KRT3: variants seen among roughly 807,000 people sequenced by gnomAD.
KRT3 encodes the protein keratin 3, also known as keratin, type II cytoskeletal 3.
KRT3 carries 34 observed loss-of-function variants against 45.8 expected under a neutral mutation model. The observed-to-expected ratio is 0.74, with a 90% CI of 0.57 to 0.99. The LOEUF is 0.99. KRT3 is among the 50% of genes least tolerant of loss of function. The pLI is 0.00. For missense variants in KRT3, 828 were observed against 820.6 expected (o/e 1.01, Z -0.11); for synonymous variants, 367 against 329.0 (o/e 1.12, Z -1.25).
In KRT3 at chr12:52,791,348, G is replaced by A; in HGVS notation, c.1393C>T (p.Gln465Ter). 6.2e-7 allele frequency: 1 copy of A among 1,614,250 alleles called. No individual in the cohort carries two copies. Among genetic ancestry groups the A allele is most frequent in the Non-Finnish European group, 8.5e-7 (1 of 1,180,036 alleles). The stretch of plus-strand genomic sequence containing the variant: ...TGCTGTAGAGCAGCCTGCAGCTCTT[G>A]GAGCTTGGCATTGGCATCCTTGAGG... Reference protein sequence around the residue: ...MALKDANAKLQELQAALQQAK... With the variant: ...MALKDANAKL The change falls in exon 7 of 9, where the codon CAA becomes TAA. Residue 465 changes from glutamine (Q) to a stop codon, truncating the protein, a stop_gained. Transcript: ENST00000417996. LOFTEE classifies it high-confidence loss of function.
intron 8 of KRT3, 148 bp downstream of exon 8, chr12:52,790,690 A>C: frequency 1.2e-6 from 1 of 813,498 alleles, no homozygotes; most frequent in Admixed American, 2.0e-5. Flanking sequence ...AACCCAGAAC[A>C]ATTACAAAAG....
In KRT3 at chr12:52,792,883, G is replaced by A. The variant is rs186188050; in HGVS notation, c.928-77C>T. The A allele has an allele frequency of 1.6e-4, 155 of 957,698 alleles. No homozygotes were observed. In the Admixed American group the frequency reaches 2.7e-3, roughly 17 times the overall value. The allele number at this position is 957,698 out of a possible 1,614,324, so 59.3% of individuals were successfully genotyped here. Reference sequence around the variant, plus strand: ...ACCACAACTGCAGCAAGAAAGAGCAGAGGGGACTGGTGCAGTGATGGTCCT... The same window carrying A: ...ACCACAACTGCAGCAAGAAAGAGCAAAGGGGACTGGTGCAGTGATGGTCCT... On this transcript the variant is annotated intron_variant, in intron 3 of 8. Coordinates refer to ENST00000417996, the MANE Select transcript of KRT3 (RefSeq NM_057088.3).
At chr12:52,792,175 G>T in intron 5 of KRT3, 64 bp downstream of exon 5, 1 of 1,423,150 alleles carries the variant, frequency 7.0e-7, no homozygotes, top group Non-Finnish European at 9.8e-7. Context: ...CTACCCAGCT[G>T]TCCAATAGGC....
intron 3 of KRT3, 149 bp from the exon 4 acceptor site, chr12:52,792,955 G>A: frequency 1.4e-6 from 1 of 708,464 alleles, no homozygotes; most frequent in South Asian, 1.7e-5. Flanking sequence ...TATCTCATTA[G>A]GATGGTCTAA....
chr12:52,792,404 C>A lies in KRT3; in HGVS notation c.1024-1G>T. The A allele has an allele frequency of 1.2e-6, 2 of 1,613,794 alleles. No individual in the cohort carries two copies. Among genetic ancestry groups the A allele is most frequent in the Non-Finnish European group, 1.7e-6 (2 of 1,180,014 alleles). ...TGTGGCTCTGCATCTGAGATAGCTC[C>A]TGTCAACACAGAGGGAGCTTGTTCA... is the stretch of plus-strand genomic sequence containing the variant. On this transcript the variant is annotated splice_acceptor_variant, in intron 4 of 8. Coordinates refer to ENST00000417996, the MANE Select transcript of KRT3 (RefSeq NM_057088.3). LOFTEE classifies it high-confidence loss of function.
In KRT3 at chr12:52,795,752, A is replaced by T. The variant is rs751561509; in HGVS notation, c.291T>A (p.Phe97Leu). ...CAAAGCCACCTCCATAGCCGCTCCC[A>T]AAGCCACCTCCATAGCCACCTGCAA... ...CAFAGGYGGGFGSGYGGGFGG... is the reference protein window; with the variant it reads ...CAFAGGYGGGLGSGYGGGFGG... The change falls in exon 1 of 9, where the codon TTT (phenylalanine) becomes TTA (leucine). Residue 97 changes from phenylalanine (F) to leucine (L), a missense_variant. By Grantham distance (22) the Phe-to-Leu change is conservative (BLOSUM62 0). Transcript: ENST00000417996. The T allele has an allele frequency of 6.2e-7, 1 of 1,613,774 alleles. No individual in the cohort carries two copies. The highest frequency in any genetic ancestry group is 1.3e-5 in the African/African-American group (1 of 74,898).
In KRT3 at chr12:52,794,162, A is replaced by C; in HGVS notation, c.815T>G (p.Leu272Arg). ...LDNILGERGRLDSELKNMEDL... is the reference protein window; with the variant it reads ...LDNILGERGRRDSELKNMEDL... The stretch of plus-strand genomic sequence containing the variant: ...CTCCATGTTCTTCAGCTCAGAGTCC[A>C]GGCGCCCTCTCTCCCCGAGGATGTT... Residue 272 changes from leucine to arginine, a missense_variant, in exon 2 of 9, where the codon CTG becomes CGG. By Grantham distance (102) the Leu-to-Arg change is moderately radical. Transcript: ENST00000417996. The C allele has an allele frequency of 6.2e-7, 1 of 1,614,190 alleles. No individual in the cohort carries two copies. Among genetic ancestry groups the C allele is most frequent in the Non-Finnish European group, 8.5e-7 (1 of 1,180,028 alleles).
Position 52,795,420 on chromosome 12 carries a change from T to A in KRT3, c.623A>T (p.Lys208Met), listed in dbSNP as rs1452244705. The change falls in exon 1 of 9, where the codon AAG (lysine) becomes ATG (methionine). Residue 208 changes from lysine to methionine, a missense_variant. Lys to Met is a moderately conservative substitution (Grantham distance 95). Coordinates refer to ENST00000417996, the MANE Select transcript of KRT3 (RefSeq NM_057088.3). The stretch of plus-strand genomic sequence containing the variant: ...TACCTTGTCAATGAAGGAGGCAAAC[T>A]TGTTGTTGAGGGTCTTGATCTGTTC... ...EREQIKTLNNKFASFIDKVRF... is the reference protein window; with the variant it reads ...EREQIKTLNNMFASFIDKVRF... The A allele has an allele frequency of 6.2e-7, 1 of 1,614,120 alleles. No individual in the cohort carries two copies. Among genetic ancestry groups the A allele is most frequent in the South Asian group, 1.1e-5 (1 of 91,068 alleles).
chr12:52,790,775 C>T (rs11834139), intron 8 of KRT3, 63 bp downstream of exon 8: 286,493 of 1,341,814 alleles, frequency 0.21, 34,104 homozygotes, highest in Non-Finnish European at 0.25. Flanking sequence ...GTTGCTACTA[C>T]CCTGGATTAG....
In KRT3 at chr12:52,790,833, CT is replaced by C. The variant is rs907801628; in HGVS notation, c.1570+4del. 8 of 1,590,000 alleles carry C rather than the reference CT, an allele frequency of 5.0e-6. No individual in the cohort carries two copies. Among genetic ancestry groups the C allele is most frequent in the Non-Finnish European group, 6.9e-6 (8 of 1,166,022 alleles). ...CTCATTTTCTTAGCTACTTTCGGTA[CT>C]TACAGATGCTGACAGCACTCGGACA... is the stretch of plus-strand genomic sequence containing the variant. On this transcript the variant is annotated splice_donor_region_variant and intron_variant, in intron 8 of 8. Transcript: ENST00000417996.
At position 52,795,744 on chromosome 12, in the gene KRT3, C is replaced by T; in HGVS notation, c.299G>A (p.Gly100Asp). 3 of 1,613,156 alleles carry T rather than the reference C, an allele frequency of 1.9e-6. No individual in the cohort carries two copies. Among genetic ancestry groups the T allele is most frequent in the South Asian group, 1.1e-5 (1 of 91,042 alleles). Reference sequence around the variant, plus strand: ...GCCACCACCAAAGCCACCTCCATAGCCGCTCCCAAAGCCACCTCCATAGCC... The same window carrying T: ...GCCACCACCAAAGCCACCTCCATAGTCGCTCCCAAAGCCACCTCCATAGCC... ...AGGYGGGFGS[G>D]YGGGFGGGFG... The change falls in exon 1 of 9, where the codon GGC becomes GAC. Residue 100 changes from glycine to aspartate, a missense_variant. Transcript: ENST00000417996.
chr12:52,791,984 C>T (rs1939520850), intron 5 of KRT3, among the ~76,000 whole-genome samples, 168 bp from the exon 6 acceptor site: 1 of 152,204 alleles, frequency 6.6e-6, no homozygotes, highest in South Asian at 2.1e-4. Context: ...AAGAGAACAT[C>T]TGGGTTGTTG....
chr12:52,791,203 C>T lies in KRT3; in HGVS notation c.1535+3G>A, dbSNP rs780227754. On this transcript the variant is annotated splice_donor_region_variant and intron_variant, in intron 7 of 8. Transcript: ENST00000417996. ...GTGTGGGAAGACGGGACTGGAGGCTCACCTGTACTCCTCGCCCTCCAGCAG... is the reference window on the plus strand; with the variant it reads ...GTGTGGGAAGACGGGACTGGAGGCTTACCTGTACTCCTCGCCCTCCAGCAG... 1 of 1,614,196 alleles carries T rather than the reference C, an allele frequency of 6.2e-7. No individual in the cohort carries two copies. The highest frequency in any genetic ancestry group is 1.1e-5 in the South Asian group (1 of 91,086).
chr12:52,790,366 G>A lies in KRT3; in HGVS notation c.1571-8C>T, dbSNP rs1195341090. On this transcript the variant is annotated splice_region_variant and splice_polypyrimidine_tract_variant and intron_variant, in intron 8 of 8. Coordinates refer to ENST00000417996, the MANE Select transcript of KRT3 (RefSeq NM_057088.3). ...TGCTGCTGCTGACCACGGCTGTGGG[G>A]GAGAGGACAGGACAGCGATCAGCGA... is the stretch of plus-strand genomic sequence containing the variant. The A allele has an allele frequency of 6.3e-7, 1 of 1,590,706 alleles. No homozygotes were observed. Among genetic ancestry groups the A allele is most frequent in the Non-Finnish European group, 8.6e-7 (1 of 1,168,418 alleles).
chr12:52,795,372 G>A (rs1939612114), intron 1 of KRT3, 26 bp downstream of exon 1: 1 of 1,613,314 alleles, frequency 6.2e-7, no homozygotes, highest in South Asian at 1.1e-5. Context: ...AGCCCAGGAA[G>A]GGATGACCAG....
chr12:52,792,118 A>C, intron 5 of KRT3, 121 bp downstream of exon 5: 2 of 860,924 alleles, frequency 2.3e-6, no homozygotes, highest in African/African-American at 3.4e-5. Flanking sequence ...GGATGACTTC[A>C]GAGGGTAAAA....
At chr12:52,791,171 C>T (rs764238830) in intron 7 of KRT3, 35 bp downstream of exon 7, 4 of 1,613,670 alleles carry the variant, frequency 2.5e-6, no homozygotes, top group Non-Finnish European at 3.4e-6. Context: ...ATGACTTGAG[C>T]CAGGGGGTGT....
intron 7 of KRT3, 39 bp downstream of exon 7, chr12:52,791,167 T>G (rs1165242835): frequency 1.2e-6 from 2 of 1,613,668 alleles, no homozygotes; most frequent in Non-Finnish European, 1.7e-6. Context: ...GCCTATGACT[T>G]GAGCCAGGGG....
rs1480065619 is a variant in KRT3, at chr12:52,790,085, T to C, written c.1844A>G (p.Lys615Arg). Residue 615 changes from lysine (K) to arginine (R), a missense_variant, in exon 9 of 9, where the codon AAG (lysine) becomes AGG (arginine). Physicochemically the swap from Lys to Arg is conservative, Grantham distance 26. Transcript: ENST00000417996. ...GGAGGACTGGGAGGACTGGGAGAAC[T>C]TGATGCTGCCGCCCCGGTTGCTGGC... ...SSASNRGGSI[K>R]FSQSSQSSQR... is the part of the protein sequence containing the mutation. 20 of 1,541,766 alleles carry C rather than the reference T, an allele frequency of 1.3e-5. No individual in the cohort carries two copies. The highest frequency in any genetic ancestry group is 1.7e-5 in the Non-Finnish European group (19 of 1,146,902).
Sources: gnomAD v4.1 joint callset for allele counts (sites outside exome capture counted in the v4.1 genomes callset) on GRCh38, gnomAD v4.1.1 for gene constraint, MANE v1.5 for transcripts, NCBI Gene and HGNC (gene_info 2026-07-23, HGNC 2026-07-21) for gene names.